Variants in KAT2B observed in about 807,000 individuals in gnomAD.
KAT2B encodes the protein lysine acetyltransferase 2B.
A neutral mutation model predicts 105.9 loss-of-function variants in KAT2B; 36 were observed. The ratio of observed to expected loss-of-function variants is 0.34; its 90% CI spans 0.26 to 0.45. The LOEUF is 0.45. Ranked by LOEUF, KAT2B falls within the 20% of genes least tolerant of loss-of-function variation. The pLI is 1.00. For synonymous variants in KAT2B, 397 were observed against 377.9 expected (o/e 1.05, Z -0.59); for missense variants, 820 against 1,021.6 (o/e 0.80, Z 2.69).
intron 7 of KAT2B, among the ~76,000 whole-genome samples, chr3:20,118,328 T>TTGTG (rs10558647): frequency 0.055 from 7,599 of 139,108 alleles, 261 homozygotes; most frequent in Middle Eastern, 0.13. Flanking sequence ...TCTCCTAAAT[T>TTGTG]TGTGTGTGTG....
intron 8 of KAT2B, among the ~76,000 whole-genome samples, chr3:20,121,762 G>C (rs936454494): frequency 2.0e-5 from 3 of 150,294 alleles, no homozygotes; most frequent in Non-Finnish European, 3.0e-5. Flanking sequence ...GTGTGTGTGT[G>C]TGTGTGTGTG....
Position 20,040,729 on chromosome 3 carries a change from C to G in KAT2B, c.252C>G (p.Ser84=), listed in dbSNP as rs1431678298. Residue 84 remains serine, a synonymous_variant, in exon 1 of 18, where the codon TCC becomes TCG. Transcript: ENST00000263754. ...RIAVKKAQLR[S]APRAKKLEKL... ...CCGTGAAGAAAGCGCAACTACGCTC[C>G]GCTCCGCGGGCCAAGAAACTGGAGA... The G allele has an allele frequency of 6.3e-7, 1 of 1,596,796 alleles. No homozygotes were observed. Among genetic ancestry groups the G allele is most frequent in the Non-Finnish European group, 8.5e-7 (1 of 1,174,348 alleles).
At chr3:20,115,633 A>C (rs942109604) in intron 7 of KAT2B, among the ~76,000 whole-genome samples, 1 of 152,204 alleles carries the variant, frequency 6.6e-6, no homozygotes, top group African/African-American at 2.4e-5. Context: ...ATTGAAGTAT[A>C]ATTTATATAT....
At chr3:20,049,290 A>G (rs1697872472) in intron 1 of KAT2B, among the ~76,000 whole-genome samples, 1 of 152,178 alleles carries the variant, frequency 6.6e-6, no homozygotes, top group African/African-American at 2.4e-5. Context: ...TAGGCATTCC[A>G]CAAATGTCTA....
chr3:20,062,394 A>G (rs867042011), intron 1 of KAT2B, among the ~76,000 whole-genome samples: 4 of 112,392 alleles, frequency 3.6e-5, no homozygotes, highest in South Asian at 2.3e-4. Flanking sequence ...ATAACATAAT[A>G]AATTATATAT....
At chr3:20,048,734 C>G (rs1410579134) in intron 1 of KAT2B, among the ~76,000 whole-genome samples, 5 of 152,228 alleles carry the variant, frequency 3.3e-5, no homozygotes, top group Admixed American at 3.3e-4. Flanking sequence ...GTTTCCTACT[C>G]TTGCATGCTG....
chr3:20,101,030 C>T (rs1698900675), intron 4 of KAT2B: 7 of 464,616 alleles, frequency 1.5e-5, no homozygotes, highest in South Asian at 4.5e-5. Context: ...TGATTTTCTC[C>T]TTAATGCTTC....
chr3:20,049,055 T>C (rs1459998433), intron 1 of KAT2B, among the ~76,000 whole-genome samples: 2 of 151,980 alleles, frequency 1.3e-5, no homozygotes, highest in Non-Finnish European at 2.9e-5. Flanking sequence ...AGAGACGGGG[T>C]TTCACCATGT....
At chr3:20,126,581 G>C (rs1215230500) in intron 10 of KAT2B, among the ~76,000 whole-genome samples, 1 of 151,382 alleles carries the variant, frequency 6.6e-6, no homozygotes, top group Non-Finnish European at 1.5e-5. Flanking sequence ...CCAGCATTTT[G>C]GGAGGCTGAG....
At chr3:20,147,032 G>T (rs1166671210) in intron 14 of KAT2B, among the ~76,000 whole-genome samples, 1 of 152,304 alleles carries the variant, frequency 6.6e-6, no homozygotes, top group African/African-American at 2.4e-5. Context: ...TGTTAGAGTT[G>T]AGTTGTGTTG....
At chr3:20,107,853 G>T (rs1470633648) in intron 5 of KAT2B, among the ~76,000 whole-genome samples, 1 of 134,894 alleles carries the variant, frequency 7.4e-6, no homozygotes, top group Non-Finnish European at 1.5e-5. Context: ...GTGTTTCCCA[G>T]GCTGGAGTGC....
chr3:20,050,826 TTAAC>T (rs1276264002), intron 1 of KAT2B, among the ~76,000 whole-genome samples: 2 of 152,108 alleles, frequency 1.3e-5, no homozygotes, highest in Non-Finnish European at 2.9e-5. Context: ...GGATGAATCT[TTAAC>T]TAAGCTTTTG....
intron 2 of KAT2B, among the ~76,000 whole-genome samples, chr3:20,078,384 A>G (rs982823075): frequency 2.0e-5 from 3 of 152,122 alleles, no homozygotes; most frequent in East Asian, 3.9e-4. Context: ...ATTATTTTTC[A>G]GTGTTGTCAC....
At chr3:20,065,196 G>A (rs1698203067) in intron 1 of KAT2B, among the ~76,000 whole-genome samples, 1 of 152,146 alleles carries the variant, frequency 6.6e-6, no homozygotes, top group African/African-American at 2.4e-5. Flanking sequence ...TCTTGGTTCT[G>A]CAATGTCTGC....
rs184684262 is a variant in KAT2B at position 20,119,478 on chromosome 3, T to C, written c.1151-120T>C. 6 of 987,406 alleles carry C rather than the reference T, an allele frequency of 6.1e-6. No homozygotes were observed. In the East Asian group the frequency reaches 9.7e-5, roughly 16 times the overall value. 61.2% of individuals were successfully genotyped at this position (987,406 alleles called of 1,614,324 possible). On this transcript the variant is annotated intron_variant, in intron 7 of 17. Transcript: ENST00000263754. ...TTTTGATGCCTTGTGGCTTATGTTTTAAAGATGACTTATTTTGTGGCATTG... is the reference window on the plus strand; with the variant it reads ...TTTTGATGCCTTGTGGCTTATGTTTCAAAGATGACTTATTTTGTGGCATTG...
intron 1 of KAT2B, among the ~76,000 whole-genome samples, chr3:20,061,992 A>G (rs1280167625): frequency 1.2e-5 from 1 of 86,296 alleles, no homozygotes; most frequent in African/African-American, 4.1e-5. Flanking sequence ...AACATATAAT[A>G]TATAAAACAT....
rs193015117 is a variant in KAT2B, at chr3:20,085,201, A to T, written c.431-10062A>T. ...TCCATCTCTATGTCTATTAATTTAAAAAAAAAGTTTATAAGACAAAAATAG... is the reference window on the plus strand; with the variant it reads ...TCCATCTCTATGTCTATTAATTTAATAAAAAAGTTTATAAGACAAAAATAG... On this transcript the variant is annotated intron_variant, in intron 2 of 17. Transcript: ENST00000263754. Among the ~76,000 whole-genome samples the T allele has an allele frequency of 3.1e-3, 479 of 152,292 alleles. 1 individual carries two copies. Among genetic ancestry groups the T allele is most frequent in the African/African-American group, 0.01 (426 of 41,556 alleles).
chr3:20,112,599 A>C (rs753597150), intron 6 of KAT2B, among the ~76,000 whole-genome samples: 4 of 152,184 alleles, frequency 2.6e-5, no homozygotes, highest in Non-Finnish European at 5.9e-5. Flanking sequence ...TGAATGAGAC[A>C]GTTCATTCTG....
intron 9 of KAT2B, among the ~76,000 whole-genome samples, chr3:20,125,222 A>G (rs1399924771): frequency 6.7e-6 from 1 of 149,804 alleles, no homozygotes; most frequent in East Asian, 2.0e-4. Flanking sequence ...GGAGAATGGC[A>G]TGAACCCGGG....
Sources: gnomAD v4.1 joint callset for allele counts (sites outside exome capture counted in the v4.1 genomes callset) on GRCh38, gnomAD v4.1.1 for gene constraint, MANE v1.5 for transcripts, NCBI Gene and HGNC (gene_info 2026-07-23, HGNC 2026-07-21) for gene names.